Variants in CRB1 observed in about 807,000 individuals in gnomAD.
CRB1 encodes protein crumbs homolog 1.
In CRB1, 83 loss-of-function variants were observed where a neutral mutation model predicts 120.0. The observed-to-expected ratio is 0.69, with a 90% CI of 0.58 to 0.83. The LOEUF (loss-of-function observed/expected upper bound fraction) is 0.83. Among genes scored for constraint, CRB1 ranks in the 40% least tolerant of loss-of-function variants. The probability of loss-of-function intolerance (pLI) is 0.00; values close to 1 mark genes in which losing one functional copy is unlikely to be tolerated. For missense variants in CRB1, 1,699 were observed against 1,687.6 expected (o/e 1.01, Z -0.12); for synonymous variants, 625 against 612.5 (o/e 1.02, Z -0.30).
rs1235788878 is a variant in CRB1 at position 197,353,804 on chromosome 1, A to T, written c.989-3027A>T. 7.5e-5 allele frequency among the ~76,000 whole-genome samples: 10 copies of T among 133,954 alleles called. No homozygotes were observed. The South Asian group carries it at 1.9e-3, about 26-fold the overall frequency. The allele number at this position is 133,954 out of a possible 152,430, so 87.9% of individuals were successfully genotyped here. A position where few individuals can be genotyped will look rare whatever the true frequency, so the allele number is the denominator to read the frequency against. ...CTACAGAGTGAGACTCCGTCTCAAA[A>T]ATATATAAATAAAAAAAAAAAAAAA... On this transcript the variant is annotated intron_variant, in intron 4 of 11. Coordinates refer to ENST00000367400, the MANE Select transcript of CRB1 (RefSeq NM_201253.3).
intron 5 of CRB1, among the ~76,000 whole-genome samples, chr1:197,365,563 CTTTTCTTTTCTTT>C (rs529655314): frequency 3.6e-4 from 55 of 151,276 alleles, no homozygotes; most frequent in Non-Finnish European, 7.5e-4. Flanking sequence ...GCTCTTTTTT[CTTTTCTTTTCTTT>C]TTTTCTCCTT....
chr1:197,255,451 G>T, the CRB1 span, among the ~76,000 whole-genome samples: 1 of 151,956 alleles, frequency 6.6e-6, no homozygotes, highest in African/African-American at 2.4e-5. Context: ...GTTACTTGCA[G>T]TCCAAGAACT....
the CRB1 span, among the ~76,000 whole-genome samples, chr1:197,240,408 C>G: frequency 1.3e-5 from 2 of 152,136 alleles, no homozygotes; most frequent in Non-Finnish European, 2.9e-5. Context: ...CGATGTTCCC[C>G]TCCCTGTGTC....
At chr1:197,208,869 T>C in the CRB1 span, among the ~76,000 whole-genome samples, 1 of 152,086 alleles carries the variant, frequency 6.6e-6, no homozygotes, top group Non-Finnish European at 1.5e-5. Context: ...GTTAGGTGCG[T>C]CTGAGCTCAG....
the CRB1 span, among the ~76,000 whole-genome samples, chr1:197,246,363 T>G: frequency 6.6e-6 from 1 of 152,012 alleles, no homozygotes; most frequent in Non-Finnish European, 1.5e-5. Flanking sequence ...ATTTATTTAT[T>G]TATTTCTATT....
chr1:197,231,143 CTTCT>C, the CRB1 span, among the ~76,000 whole-genome samples: 1 of 152,168 alleles, frequency 6.6e-6, no homozygotes, highest in African/African-American at 2.4e-5. Context: ...GAAATTATAG[CTTCT>C]TTATTACATG....
At chr1:197,370,052 T>C (rs1001495331) in intron 5 of CRB1, among the ~76,000 whole-genome samples, 1 of 152,128 alleles carries the variant, frequency 6.6e-6, no homozygotes, top group African/African-American at 2.4e-5. Context: ...AAACTGAGCC[T>C]CATAAATGAA....
At chr1:197,285,749 T>A (rs939738609) in intron 1 of CRB1, among the ~76,000 whole-genome samples, 1 of 151,832 alleles carries the variant, frequency 6.6e-6, no homozygotes, top group Non-Finnish European at 1.5e-5. Context: ...GGTGGATGAC[T>A]CAGGAGACTA....
chr1:197,445,930 C>G (rs978914834), intron 11 of CRB1, among the ~76,000 whole-genome samples: 5 of 152,140 alleles, frequency 3.3e-5, no homozygotes, highest in Non-Finnish European at 7.4e-5. Flanking sequence ...TGGCTCACAC[C>G]TGTAATCCCA....
chr1:197,329,378 AAGGC>A (rs1366967108), intron 2 of CRB1, among the ~76,000 whole-genome samples: 1 of 152,188 alleles, frequency 6.6e-6, no homozygotes, highest in African/African-American at 2.4e-5. Context: ...ACCTTCTGGG[AAGGC>A]AGTTTGGAAG....
chr1:197,373,416 A>G (rs1661476137), intron 5 of CRB1, among the ~76,000 whole-genome samples: 1 of 152,150 alleles, frequency 6.6e-6, no homozygotes. Flanking sequence ...TGCCCTTCAA[A>G]GTGTGTACAA....
the CRB1 span, among the ~76,000 whole-genome samples, chr1:197,209,130 C>G: frequency 4.6e-5 from 7 of 152,158 alleles, no homozygotes; most frequent in Non-Finnish European, 1.0e-4. Context: ...GGGCTGAGAA[C>G]TTACCCTAGG....
intron 5 of CRB1, among the ~76,000 whole-genome samples, chr1:197,417,048 A>G (rs760022928): frequency 6.6e-6 from 1 of 152,208 alleles, no homozygotes; most frequent in Non-Finnish European, 1.5e-5. Flanking sequence ...AAAATTCTTC[A>G]GAGGCAATTT....
At chr1:197,364,782 C>T (rs1660972332) in intron 5 of CRB1, among the ~76,000 whole-genome samples, 1 of 152,058 alleles carries the variant, frequency 6.6e-6, no homozygotes, top group South Asian at 2.1e-4. Context: ...GTTTTTTCTT[C>T]ATCTCAGGAG....
chr1:197,455,401 A>T (rs1264402015), intron 11 of CRB1, among the ~76,000 whole-genome samples: 48 of 152,172 alleles, frequency 3.2e-4, no homozygotes, highest in Admixed American at 3.1e-3. Flanking sequence ...TCTATGAAAA[A>T]TAGAGCTGTC....
intron 1 of CRB1, among the ~76,000 whole-genome samples, chr1:197,297,289 G>A (rs183147510): frequency 6.6e-6 from 1 of 151,906 alleles, no homozygotes; most frequent in East Asian, 2.0e-4. Flanking sequence ...TTCCTTTCTA[G>A]ACTTGAAAAA....
Position 197,357,579 on chromosome 1 carries a change from T to C in CRB1, c.1171+566T>C, listed in dbSNP as rs546663333. 2.0e-4 allele frequency: 33 copies of C among 165,588 alleles called. No homozygotes were observed. The East Asian group carries it at 5.0e-3, about 25-fold the overall frequency. The allele number at this position is 165,588 out of a possible 1,614,324, so 10.3% of individuals were successfully genotyped here. A position where few individuals can be genotyped will look rare whatever the true frequency, so the allele number is the denominator to read the frequency against. On this transcript the variant is annotated intron_variant, in intron 5 of 11. Coordinates refer to ENST00000367400, the MANE Select transcript of CRB1 (RefSeq NM_201253.3). ...TTGTCTGCTTTCTGTTCTGAAAATT[T>C]TCAGAATTATTGAGGCATTCCCCAA...
At chr1:197,389,179 A>G (rs1662366198) in intron 5 of CRB1, among the ~76,000 whole-genome samples, 1 of 152,140 alleles carries the variant, frequency 6.6e-6, no homozygotes, top group South Asian at 2.1e-4. Context: ...CATAGTTATT[A>G]CCACATGATT....
In CRB1 at chr1:197,328,608, T is replaced by A. The variant is rs776914636; in HGVS notation, c.257T>A (p.Val86Glu). 51 of 1,614,118 alleles carry A rather than the reference T, an allele frequency of 3.2e-5. No homozygotes were observed. The highest frequency in any genetic ancestry group is 8.5e-7 in the Non-Finnish European group (1 of 1,180,050). Residue 86 changes from valine to glutamate, a missense_variant, in exon 2 of 12, where the codon GTG (valine) becomes GAG (glutamate). Transcript: ENST00000367400. ...SNPCQGSATC[V>E]NTPGERSFLC... ...CCCTGTCAAGGAAGTGCCACTTGTGTGAACACCCCAGGAGAAAGGAGCTTT... is the reference window on the plus strand; with the variant it reads ...CCCTGTCAAGGAAGTGCCACTTGTGAGAACACCCCAGGAGAAAGGAGCTTT...
Sources: allele counts gnomAD v4.1 joint callset (sites outside exome capture counted in the v4.1 genomes callset), GRCh38; gene constraint gnomAD v4.1.1; transcripts MANE v1.5; gene names NCBI Gene and HGNC (gene_info 2026-07-23, HGNC 2026-07-21).